Variants in SDK1 observed in about 807,000 individuals in gnomAD.
SDK1 encodes the protein sidekick cell adhesion molecule 1, also known as protein sidekick-1.
A neutral mutation model predicts 245.5 loss-of-function variants in SDK1; 157 were observed. The ratio of observed to expected loss-of-function variants is 0.64; its 90% CI spans 0.56 to 0.73. SDK1 has a LOEUF of 0.73. SDK1 is among the 30% of genes least tolerant of loss of function. The pLI, the probability that SDK1 is intolerant of heterozygous loss-of-function variation, is 0.00. For missense variants in SDK1, 3,583 were observed against 3,002.3 expected (o/e 1.19, Z -4.52); for synonymous variants, 1,647 against 1,278.5 (o/e 1.29, Z -6.15).
chr7:3,492,664 G>A (rs1781899959), intron 1 of SDK1, among the ~76,000 whole-genome samples: 1 of 152,206 alleles, frequency 6.6e-6, no homozygotes, highest in Non-Finnish European at 1.5e-5. Flanking sequence ...CAGGTAACAA[G>A]TGCCCTGTTG....
intron 5 of SDK1, among the ~76,000 whole-genome samples, chr7:3,936,348 G>A (rs1348897633): frequency 2.0e-5 from 3 of 152,196 alleles, no homozygotes; most frequent in South Asian, 2.1e-4. Context: ...TTGGGAGGCC[G>A]AGGCAGGCGG....
At chr7:3,497,743 G>C (rs988635479) in intron 1 of SDK1, among the ~76,000 whole-genome samples, 2 of 152,098 alleles carry the variant, frequency 1.3e-5, no homozygotes, top group African/African-American at 4.8e-5. Context: ...TGCTATTTAG[G>C]CCATGGAGAG....
At chr7:3,752,451 G>T (rs1477671004) in intron 4 of SDK1, among the ~76,000 whole-genome samples, 1 of 152,188 alleles carries the variant, frequency 6.6e-6, no homozygotes, top group African/African-American at 2.4e-5. Flanking sequence ...ACAAGATGAG[G>T]AAAGAAGAGT....
At chr7:4,117,359 T>A (rs1783780121) in intron 25 of SDK1, among the ~76,000 whole-genome samples, 1 of 152,072 alleles carries the variant, frequency 6.6e-6, no homozygotes, top group African/African-American at 2.4e-5. Flanking sequence ...CCCCAGCTCC[T>A]TGGGAGGCTG....
chr7:3,479,011 T>C (rs1781429363), intron 1 of SDK1, among the ~76,000 whole-genome samples: 1 of 152,230 alleles, frequency 6.6e-6, no homozygotes, highest in South Asian at 2.1e-4. Context: ...CTTGATTGCA[T>C]TGTGCTTAGA....
intron 1 of SDK1, among the ~76,000 whole-genome samples, chr7:3,361,154 A>G (rs563333564): frequency 2.6e-5 from 4 of 152,342 alleles, no homozygotes; most frequent in Admixed American, 2.0e-4. Flanking sequence ...TTTTTTCTAT[A>G]TTACAATTAT....
intron 14 of SDK1, among the ~76,000 whole-genome samples, chr7:3,998,059 G>T (rs931076643): frequency 3.3e-5 from 5 of 152,244 alleles, no homozygotes; most frequent in Admixed American, 3.3e-4. Context: ...CAGGGATCCT[G>T]CCTGCTCCCA....
intron 5 of SDK1, among the ~76,000 whole-genome samples, chr7:3,927,546 A>G (rs935026456): frequency 6.6e-6 from 1 of 152,212 alleles, no homozygotes; most frequent in African/African-American, 2.4e-5. Flanking sequence ...TAGACTTCAC[A>G]GTCAGAGGCC....
chr7:3,419,927 C>G (rs1044548730), intron 1 of SDK1, among the ~76,000 whole-genome samples: 1 of 152,104 alleles, frequency 6.6e-6, no homozygotes, highest in Non-Finnish European at 1.5e-5. Flanking sequence ...TTGGAAAATA[C>G]GCAAAGCCGT....
intron 1 of SDK1, among the ~76,000 whole-genome samples, chr7:3,379,809 C>T (rs954830914): frequency 3.4e-5 from 2 of 58,734 alleles, no homozygotes; most frequent in African/African-American, 2.8e-4. Flanking sequence ...AAATCCAAAA[C>T]TTCTTGAGCC....
intron 1 of SDK1, among the ~76,000 whole-genome samples, chr7:3,614,067 C>A (rs1781687177): frequency 6.6e-6 from 1 of 152,024 alleles, no homozygotes; most frequent in South Asian, 2.1e-4. Flanking sequence ...TACAACAAAC[C>A]CCCATAGCAC....
intron 4 of SDK1, among the ~76,000 whole-genome samples, chr7:3,667,971 A>T (rs1207182481): frequency 1.3e-5 from 2 of 152,156 alleles, no homozygotes; most frequent in Non-Finnish European, 2.9e-5. Context: ...CTTGGAGTAG[A>T]CTTTCTGGTA....
chr7:3,925,432 G>A (rs76412535), intron 5 of SDK1, among the ~76,000 whole-genome samples: 5,820 of 152,308 alleles, frequency 0.038, 164 homozygotes, highest in Middle Eastern at 0.1. Flanking sequence ...CAAGCTGTTA[G>A]GGCAAAAGCG....
chr7:3,323,320 G>T (rs1419432118), intron 1 of SDK1, among the ~76,000 whole-genome samples: 1 of 152,222 alleles, frequency 6.6e-6, no homozygotes, highest in Non-Finnish European at 1.5e-5. Flanking sequence ...TTGAGTGAAT[G>T]AATATGTTGT....
rs774643882 is a variant in SDK1 at position 4,049,370 on chromosome 7, C to T, written c.2625C>T (p.Asn875=). ...LQGVPTAPPQ[N]VQTEAVNSTT... Reference sequence around the variant, plus strand: ...CAGTGCCCACCGCGCCCCCGCAGAACGTGCAGACGGAAGCCGTGAACTCCA... The same window carrying T: ...CAGTGCCCACCGCGCCCCCGCAGAATGTGCAGACGGAAGCCGTGAACTCCA... The change falls in exon 18 of 45, where the codon AAC becomes AAT. Residue 875 remains asparagine (N), a synonymous_variant. Coordinates refer to ENST00000404826, the MANE Select transcript of SDK1 (RefSeq NM_152744.4). 42 of 1,614,012 alleles carry T rather than the reference C, an allele frequency of 2.6e-5. No individual in the cohort carries two copies. Among genetic ancestry groups the T allele is most frequent in the Non-Finnish European group, 3.0e-5 (35 of 1,180,020 alleles).
At chr7:3,867,050 G>A (rs561644358) in intron 5 of SDK1, among the ~76,000 whole-genome samples, 2 of 152,186 alleles carry the variant, frequency 1.3e-5, no homozygotes, top group Non-Finnish European at 2.9e-5. Flanking sequence ...TGGTATGAGT[G>A]GGCGCAGGCC....
intron 29 of SDK1, among the ~76,000 whole-genome samples, chr7:4,146,608 A>G (rs1165506783): frequency 1.3e-5 from 2 of 152,246 alleles, no homozygotes; most frequent in South Asian, 2.1e-4. Context: ...AAGGCTGCAG[A>G]GTCACCACAT....
chr7:3,675,587 G>C (rs911566777), intron 4 of SDK1, among the ~76,000 whole-genome samples: 1 of 144,018 alleles, frequency 6.9e-6, no homozygotes, highest in East Asian at 2.0e-4. Context: ...TTGTTTGTTT[G>C]TAAAGAGATG....
At chr7:4,068,559 C>G (rs1452978493) in intron 20 of SDK1, among the ~76,000 whole-genome samples, 2 of 152,006 alleles carry the variant, frequency 1.3e-5, no homozygotes, top group Admixed American at 6.6e-5. Context: ...AGTGAGAGCC[C>G]TGAGGAGACT....
Sources: gnomAD v4.1 joint callset for allele counts (sites outside exome capture counted in the v4.1 genomes callset) on GRCh38, gnomAD v4.1.1 for gene constraint, MANE v1.5 for transcripts, NCBI Gene and HGNC (gene_info 2026-07-23, HGNC 2026-07-21) for gene names.